Variants in MICAL3 observed in about 807,000 individuals in gnomAD.
MICAL3 encodes microtubule associated monooxygenase, calponin and LIM domain containing 3, also known as [F-actin]-monooxygenase MICAL3.
Under a neutral mutation model 207.4 loss-of-function variants are expected in MICAL3, and 62 were observed. The ratio of observed to expected loss-of-function variants is 0.30; its 90% CI spans 0.24 to 0.37. MICAL3 has a LOEUF of 0.37. Among genes scored for constraint, MICAL3 ranks in the 10% least tolerant of loss-of-function variants. The pLI is 1.00. For missense variants in MICAL3, 2,368 were observed against 2,635.6 expected (o/e 0.90, Z 2.22); for synonymous variants, 1,077 against 1,069.3 (o/e 1.01, Z -0.14).
At chr22:17,968,591 C>T (rs1935257460) in intron 1 of MICAL3, among the ~76,000 whole-genome samples, 1 of 152,114 alleles carries the variant, frequency 6.6e-6, no homozygotes, top group Admixed American at 6.6e-5. Context: ...AACAACCAAC[C>T]TGAAATGCCT....
At chr22:17,790,957 G>T in intron 31 of MICAL3, 41 bp from the exon 32 acceptor site, 1 of 1,612,998 alleles carries the variant, frequency 6.2e-7, no homozygotes, top group South Asian at 1.1e-5. Context: ...GCCTGGAGGT[G>T]GCACCCACCC....
intron 1 of MICAL3, among the ~76,000 whole-genome samples, chr22:17,925,684 T>A (rs973242117): frequency 5.3e-5 from 8 of 152,164 alleles, no homozygotes; most frequent in Middle Eastern, 3.2e-3. Flanking sequence ...GTAACTCTTG[T>A]TGAGAATAGT....
At chr22:17,941,362 T>G (rs1037659791) in intron 1 of MICAL3, among the ~76,000 whole-genome samples, 2 of 152,236 alleles carry the variant, frequency 1.3e-5, no homozygotes, top group African/African-American at 4.8e-5. Flanking sequence ...ATAATGATGA[T>G]GGCAGGTGTG....
At position 17,895,402 on chromosome 22, in the gene MICAL3, A is replaced by C; in HGVS notation, c.1331T>G (p.Ile444Ser). ...PLEVLAERES[I>S]YRLLPQTTPE... ...GGTGGTCTGAGGCAGCAACCTGTAAATACTTTCCCTGCAATAACACAACAA... is the reference window on the plus strand; with the variant it reads ...GGTGGTCTGAGGCAGCAACCTGTAACTACTTTCCCTGCAATAACACAACAA... The change falls in exon 10 of 32, where the codon ATT becomes AGT. Residue 444 changes from isoleucine to serine, a missense_variant. By Grantham distance (142) the Ile-to-Ser change is moderately radical (BLOSUM62 -2). Around this residue, in one of 4 missense-constraint regions of MICAL3, gnomAD observed 147 missense variants for 137.7 expected, o/e 1.07. Transcript: ENST00000441493. 1 of 1,613,738 alleles carries C rather than the reference A, an allele frequency of 6.2e-7. No individual in the cohort carries two copies. Among genetic ancestry groups the C allele is most frequent in the Non-Finnish European group, 8.5e-7 (1 of 1,179,798 alleles).
intron 1 of MICAL3, among the ~76,000 whole-genome samples, chr22:17,960,996 C>T (rs1167099688): frequency 1.3e-5 from 2 of 152,040 alleles, no homozygotes; most frequent in Non-Finnish European, 2.9e-5. Flanking sequence ...GCGAGGGGAA[C>T]CACTGCAGGA....
intron 1 of MICAL3, chr22:18,004,859 TTTC>T (rs1325408403): frequency 1.3e-5 from 2 of 152,164 alleles, no homozygotes; most frequent in Non-Finnish European, 2.9e-5. Flanking sequence ...CTGTCTTGAG[TTTC>T]TTAAGAATCT....
chr22:17,873,078 G>A (rs58861364), intron 16 of MICAL3, among the ~76,000 whole-genome samples: 6,536 of 152,294 alleles, frequency 0.043, 411 homozygotes, highest in African/African-American at 0.14. Context: ...CAGGCAGGAC[G>A]GCTGCAGGGG....
At chr22:17,805,875 T>G (rs1238971116) in intron 29 of MICAL3, among the ~76,000 whole-genome samples, 2 of 152,202 alleles carry the variant, frequency 1.3e-5, no homozygotes, top group South Asian at 2.1e-4. Flanking sequence ...ATTACAGGCA[T>G]GTACCACCAT....
chr22:17,877,132 TTA>T (rs1928671564), intron 16 of MICAL3, among the ~76,000 whole-genome samples: 2 of 141,688 alleles, frequency 1.4e-5, no homozygotes, highest in African/African-American at 5.7e-5. Context: ...GTTATGGAGG[TTA>T]GGGAGGTTAT....
intron 20 of MICAL3, chr22:17,834,325 C>T (rs1170754722): frequency 8.4e-7 from 1 of 1,195,686 alleles, no homozygotes; most frequent in African/African-American, 1.6e-5. Flanking sequence ...GAATCAGCTT[C>T]ACTTGTTCAT....
At chr22:18,009,112 A>C (rs1379045484) in intron 1 of MICAL3, among the ~76,000 whole-genome samples, 4 of 147,396 alleles carry the variant, frequency 2.7e-5, no homozygotes, top group Non-Finnish European at 6.0e-5. Context: ...ATGCAGAAGA[A>C]ATCTCTAGTT....
At chr22:17,876,770 A>ATGGAG (rs1569108976) in intron 16 of MICAL3, 1 of 46,292 alleles carries the variant, frequency 2.2e-5, no homozygotes, top group Non-Finnish European at 5.0e-5. Flanking sequence ...AGGTTAGGGA[A>ATGGAG]GTTATGGAGG....
chr22:18,023,731 A>T (rs930436684), intron 1 of MICAL3, among the ~76,000 whole-genome samples: 3 of 152,148 alleles, frequency 2.0e-5, no homozygotes, highest in African/African-American at 4.8e-5. Flanking sequence ...CGTGTGCGCC[A>T]CTGGTCCTGG....
Position 17,965,560 on chromosome 22 carries a change from C to G in MICAL3, c.-74-58674G>C, listed in dbSNP as rs115250647. 4.8e-3 allele frequency among the ~76,000 whole-genome samples: 726 copies of G among 152,320 alleles called. 4 individuals are homozygous for G. The highest frequency in any genetic ancestry group is 0.017 in the African/African-American group (692 of 41,558). On this transcript the variant is annotated intron_variant, in intron 1 of 31. Transcript: ENST00000441493. ...GTATTCATCACTTACTACTGATATACTGATTGTCACTGTGAGTTAAGTATT... is the reference window on the plus strand; with the variant it reads ...GTATTCATCACTTACTACTGATATAGTGATTGTCACTGTGAGTTAAGTATT...
At chr22:17,881,182 A>G (rs370649096) in intron 16 of MICAL3, 101 of 1,590,142 alleles carry the variant, frequency 6.4e-5, no homozygotes, top group Non-Finnish European at 8.4e-5. Context: ...AGACAGGAAC[A>G]TGGAGCATGC....
At chr22:17,829,165 CT>C (rs11345969) in intron 21 of MICAL3, among the ~76,000 whole-genome samples, 33,292 of 127,212 alleles carry the variant, frequency 0.26, 3,356 homozygotes, top group Non-Finnish European at 0.32. Flanking sequence ...GTGAATTTGC[CT>C]TTTTTTTTTT....
At chr22:17,819,845 A>G (rs1157646401) in intron 25 of MICAL3, among the ~76,000 whole-genome samples, 3 of 147,844 alleles carry the variant, frequency 2.0e-5, no homozygotes, top group Non-Finnish European at 4.5e-5. Flanking sequence ...CGGGAGGCTG[A>G]GGCAGAAGAA....
intron 22 of MICAL3, chr22:17,826,383 T>G: frequency 1.2e-6 from 1 of 866,056 alleles, no homozygotes; most frequent in Non-Finnish European, 1.4e-6. Flanking sequence ...GAGTCTAGTG[T>G]TAAGGTACCA....
In MICAL3 at chr22:17,818,586, T is replaced by C. The variant is rs757085437; in HGVS notation, c.4075A>G (p.Arg1359Gly). Residue 1359 changes from arginine to glycine, a missense_variant, in exon 26 of 32, where the codon AGG becomes GGG. Around this residue, in one of 4 missense-constraint regions of MICAL3, gnomAD observed 1,770 missense variants for 1,863.2 expected, o/e 0.95. Coordinates refer to ENST00000441493, the MANE Select transcript of MICAL3 (RefSeq NM_015241.3). Reference protein sequence around the residue: ...PEPSFPTPAFRPVSLKSYSVE... With the variant: ...PEPSFPTPAFGPVSLKSYSVE... ...GAATAGGATTTGAGGGACACTGGCC[T>C]GAAGGCAGGCGTGGGGAAGCTGGGC... 5 of 1,613,668 alleles carry C rather than the reference T, an allele frequency of 3.1e-6. No individual in the cohort carries two copies. The Admixed American group carries it at 6.7e-5, about 22-fold the overall frequency.
Sources: gnomAD v4.1 joint callset for allele counts (sites outside exome capture counted in the v4.1 genomes callset) on GRCh38, gnomAD v4.1.1 for gene constraint, gnomAD v4.1.1 regional missense constraint, MANE v1.5 for transcripts, NCBI Gene and HGNC (gene_info 2026-07-23, HGNC 2026-07-21) for gene names.